FHIT: variants seen among roughly 807,000 people sequenced by gnomAD.
The protein encoded by FHIT is fragile histidine triad diadenosine triphosphatase.
In FHIT, 19 loss-of-function variants were observed where a neutral mutation model predicts 17.9. The observed-to-expected ratio is 1.06, with a 90% CI of 0.74 to 1.56. The LOEUF is 1.56. FHIT is among the 40% of genes most tolerant of loss of function. The pLI, the probability that FHIT is intolerant of heterozygous loss-of-function variation, is 0.00. For missense variants in FHIT, 248 were observed against 189.2 expected (o/e 1.31, Z -1.82); for synonymous variants, 81 against 69.7 (o/e 1.16, Z -0.81).
At chr3:60,787,849 G>T (rs886161106) in intron 4 of FHIT, among the ~76,000 whole-genome samples, 1 of 152,120 alleles carries the variant, frequency 6.6e-6, no homozygotes, top group South Asian at 2.1e-4. Flanking sequence ...GTCTTTTTCT[G>T]ATCTATTAAA....
At chr3:60,683,933 C>A (rs2040806750) in intron 4 of FHIT, among the ~76,000 whole-genome samples, 2 of 152,006 alleles carry the variant, frequency 1.3e-5, no homozygotes, top group Admixed American at 1.3e-4. Flanking sequence ...TGTTCCTTAT[C>A]TTTTCTTTGT....
At chr3:60,635,283 T>C (rs1224441709) in intron 4 of FHIT, among the ~76,000 whole-genome samples, 1 of 152,160 alleles carries the variant, frequency 6.6e-6, no homozygotes, top group Non-Finnish European at 1.5e-5. Context: ...AAAGCCAGAA[T>C]CACATTTTTC....
intron 3 of FHIT, among the ~76,000 whole-genome samples, chr3:60,923,592 C>T (rs1010614027): frequency 2.0e-5 from 3 of 152,016 alleles, no homozygotes; most frequent in Non-Finnish European, 4.4e-5. Flanking sequence ...GCCAAGATGG[C>T]CGAATAGGAA....
In FHIT at chr3:60,311,187, AC is replaced by A. The variant is rs1338188629; in HGVS notation, c.103+225672del. Among the ~76,000 whole-genome samples the A allele has an allele frequency of 6.6e-5, 10 of 151,626 alleles. 1 individual carries two copies. Among genetic ancestry groups the A allele is most frequent in the Admixed American group, 6.6e-4 (10 of 15,230 alleles). Reference sequence around the variant, plus strand: ...TAAGTCTCCTTTAACCTCAAACATTACTTTGTCTTTCTGTTTTCTTTTTTAA... The same window carrying A: ...TAAGTCTCCTTTAACCTCAAACATTATTTGTCTTTCTGTTTTCTTTTTTAA... On this transcript the variant is annotated intron_variant, in intron 5 of 9. Transcript: ENST00000492590.
At chr3:60,189,086 C>A (rs1702284375) in intron 5 of FHIT, among the ~76,000 whole-genome samples, 2 of 152,062 alleles carry the variant, frequency 1.3e-5, no homozygotes, top group African/African-American at 4.8e-5. Flanking sequence ...GAGACAGCCC[C>A]TGCCTACAAA....
intron 5 of FHIT, among the ~76,000 whole-genome samples, chr3:60,316,742 G>A (rs935963568): frequency 6.6e-6 from 1 of 152,092 alleles, no homozygotes; most frequent in Non-Finnish European, 1.5e-5. Flanking sequence ...TTTTACATAT[G>A]GCAAACCATG....
chr3:60,824,591 T>A (rs1702047532), intron 3 of FHIT, among the ~76,000 whole-genome samples: 1 of 152,226 alleles, frequency 6.6e-6, no homozygotes, highest in Non-Finnish European at 1.5e-5. Context: ...TCAACCTCAC[T>A]GATATGGTTT....
chr3:60,594,812 C>G (rs1177144760), intron 4 of FHIT, among the ~76,000 whole-genome samples: 1 of 152,052 alleles, frequency 6.6e-6, no homozygotes, highest in African/African-American at 2.4e-5. Flanking sequence ...CCTGGGCCCT[C>G]TGCTAGGAGT....
intron 2 of FHIT, among the ~76,000 whole-genome samples, chr3:61,085,927 T>A (rs1235513720): frequency 6.6e-6 from 1 of 152,220 alleles, no homozygotes; most frequent in Admixed American, 6.5e-5. Context: ...GGTATCTTTT[T>A]AAAATTTCAT....
At chr3:60,512,189 C>G (rs1173713473) in intron 5 of FHIT, among the ~76,000 whole-genome samples, 1 of 152,170 alleles carries the variant, frequency 6.6e-6, no homozygotes, top group African/African-American at 2.4e-5. Context: ...CAAGTCACAG[C>G]AAACCTAGGA....
intron 5 of FHIT, among the ~76,000 whole-genome samples, chr3:60,149,971 G>C (rs774131895): frequency 1.2e-3 from 175 of 144,688 alleles, no homozygotes; most frequent in Admixed American, 3.9e-3. Context: ...CTGGATAAAA[G>C]GCAAACCTTT....
chr3:60,609,492 A>C (rs1457149284), intron 4 of FHIT, among the ~76,000 whole-genome samples: 2 of 151,790 alleles, frequency 1.3e-5, no homozygotes, highest in East Asian at 3.9e-4. Flanking sequence ...CACCCAGCTA[A>C]ATTTTTGTAT....
At chr3:60,898,451 G>T (rs139495992) in intron 3 of FHIT, among the ~76,000 whole-genome samples, 4 of 152,216 alleles carry the variant, frequency 2.6e-5, no homozygotes, top group Admixed American at 2.0e-4. Flanking sequence ...GCCACCAGCA[G>T]TGTATGGTGG....
chr3:60,920,176 G>A (rs782554294), intron 3 of FHIT, among the ~76,000 whole-genome samples: 14 of 152,276 alleles, frequency 9.2e-5, no homozygotes, highest in African/African-American at 3.1e-4. Context: ...AGGCTGGTGT[G>A]AGAAGCAAAT....
Position 59,765,559 on chromosome 3 carries a change from G to C in FHIT, c.349-13238C>G, listed in dbSNP as rs534796747. ...CTTGGACTTATTACTCAGACAGTCT[G>C]ATCCTTCATTGACAAGCTGTGCTGA... On this transcript the variant is annotated intron_variant, in intron 8 of 9. Coordinates refer to ENST00000492590, the MANE Select transcript of FHIT (RefSeq NM_002012.4). 5.9e-5 allele frequency among the ~76,000 whole-genome samples: 9 copies of C among 152,340 alleles called. No homozygotes were observed. In the South Asian group the frequency reaches 1.7e-3, roughly 28 times the overall value.
chr3:61,123,845 G>GAGTTGGGA (rs2036532956), intron 2 of FHIT, among the ~76,000 whole-genome samples: 1 of 152,130 alleles, frequency 6.6e-6, no homozygotes, highest in African/African-American at 2.4e-5. Context: ...ACTGAAAAGG[G>GAGTTGGGA]AGTTGGGAAG....
At chr3:59,770,691 G>T (rs997671827) in intron 8 of FHIT, among the ~76,000 whole-genome samples, 11 of 152,198 alleles carry the variant, frequency 7.2e-5, no homozygotes, top group Middle Eastern at 6.8e-3. Context: ...ACTTGATTAC[G>T]GCAGCCCTAG....
At chr3:60,105,887 C>A (rs529500800) in intron 5 of FHIT, among the ~76,000 whole-genome samples, 3 of 152,282 alleles carry the variant, frequency 2.0e-5, no homozygotes, top group Non-Finnish European at 4.4e-5. Context: ...GAAAAGAATT[C>A]TACAGTAGTC....
chr3:61,146,105 A>C (rs935200110), intron 2 of FHIT, among the ~76,000 whole-genome samples: 1 of 152,056 alleles, frequency 6.6e-6, no homozygotes, highest in Non-Finnish European at 1.5e-5. Flanking sequence ...GGAAAGGAGA[A>C]AGCACGACAT....
Sources: gnomAD v4.1 joint callset for allele counts (sites outside exome capture counted in the v4.1 genomes callset) on GRCh38, gnomAD v4.1.1 for gene constraint, MANE v1.5 for transcripts, NCBI Gene and HGNC (gene_info 2026-07-23, HGNC 2026-07-21) for gene names.